The following SYNPR variants were observed in gnomAD, a reference collection of about 807,000 sequenced individuals.
SYNPR encodes synaptoporin.
Under a neutral mutation model 32.9 loss-of-function variants are expected in SYNPR, and 23 were observed. That is an observed-to-expected ratio of 0.70 (90% CI 0.50 to 0.99). The LOEUF is 0.99. Among genes scored for constraint, SYNPR ranks in the 50% least tolerant of loss-of-function variants. The pLI is 0.00. For missense variants in SYNPR, 318 were observed against 349.3 expected (o/e 0.91, Z 0.71); for synonymous variants, 146 against 135.9 (o/e 1.07, Z -0.52).
At chr3:63,559,814 A>G (rs6776966) in intron 4 of SYNPR, among the ~76,000 whole-genome samples, 1,905 of 152,178 alleles carry the variant, frequency 0.013, 53 homozygotes, top group African/African-American at 0.043. Flanking sequence ...ACAGATGGAC[A>G]TACCTAAGAG....
At chr3:63,368,582 G>A (rs961924495) in intron 2 of SYNPR, among the ~76,000 whole-genome samples, 2 of 152,126 alleles carry the variant, frequency 1.3e-5, no homozygotes, top group African/African-American at 4.8e-5. Context: ...CAGGCCAGAC[G>A]AGTGAATCTG....
intron 2 of SYNPR, among the ~76,000 whole-genome samples, chr3:63,439,359 A>T (rs1700131316): frequency 1.3e-5 from 2 of 152,242 alleles, no homozygotes; most frequent in South Asian, 4.1e-4. Context: ...AGGCAGTAGC[A>T]ACAATGTGAA....
chr3:63,203,068 G>GTGTGTATATATATA, the SYNPR span: 226 of 108,422 alleles, frequency 2.1e-3, 3 homozygotes, highest in African/African-American at 9.0e-3. Flanking sequence ...ATATGTATGT[G>GTGTGTATATATATA]TATATATATA....
At chr3:63,601,221 C>T (rs1348635817) in intron 4 of SYNPR, among the ~76,000 whole-genome samples, 3 of 150,322 alleles carry the variant, frequency 2.0e-5, no homozygotes, top group Non-Finnish European at 2.9e-5. Flanking sequence ...TGTGGTGAGC[C>T]GAGATCGTGC....
intron 2 of SYNPR, among the ~76,000 whole-genome samples, chr3:63,349,778 A>G (rs2087481831): frequency 6.6e-6 from 1 of 152,178 alleles, no homozygotes; most frequent in African/African-American, 2.4e-5. Context: ...CCCTTTGCCC[A>G]GTAGGTGGCG....
intron 3 of SYNPR, among the ~76,000 whole-genome samples, chr3:63,271,128 A>G (rs577541139): frequency 1.3e-5 from 2 of 151,658 alleles, no homozygotes; most frequent in South Asian, 4.2e-4. Flanking sequence ...ATGTAATTGT[A>G]CCTTTCTTCT....
intron 3 of SYNPR, among the ~76,000 whole-genome samples, chr3:63,499,860 C>A (rs767055183): frequency 7.2e-5 from 11 of 151,774 alleles, no homozygotes; most frequent in Non-Finnish European, 1.5e-4. Flanking sequence ...ATGACAAATT[C>A]ATTGTCCTCA....
intron 2 of SYNPR, among the ~76,000 whole-genome samples, chr3:63,335,634 C>T (rs936873909): frequency 6.6e-6 from 1 of 152,086 alleles, no homozygotes; most frequent in South Asian, 2.1e-4. Flanking sequence ...GCTTGGCATA[C>T]AATACTCCCT....
chr3:63,557,595 T>C (rs1046063997), intron 4 of SYNPR, among the ~76,000 whole-genome samples: 3 of 152,246 alleles, frequency 2.0e-5, no homozygotes, highest in Non-Finnish European at 2.9e-5. Context: ...GGAGGTTTAC[T>C]ATTTTTTGGC....
At chr3:63,343,109 G>T (rs1023189780) in intron 2 of SYNPR, among the ~76,000 whole-genome samples, 1 of 152,100 alleles carries the variant, frequency 6.6e-6, no homozygotes, top group East Asian at 1.9e-4. Context: ...CAGAGAAGGC[G>T]ACAAGTTTGG....
intron 2 of SYNPR, among the ~76,000 whole-genome samples, chr3:63,337,859 A>G (rs911674210): frequency 2.6e-5 from 4 of 151,970 alleles, no homozygotes; most frequent in African/African-American, 9.7e-5. Flanking sequence ...AGGTTAATGG[A>G]AAGGAAGGGA....
chr3:63,358,087 G>A (rs906447441), intron 2 of SYNPR, among the ~76,000 whole-genome samples: 1 of 152,190 alleles, frequency 6.6e-6, no homozygotes, highest in African/African-American at 2.4e-5. Flanking sequence ...TAAGCTCCTT[G>A]AGATTGGGCA....
chr3:63,302,249 A>G (rs367988904), intron 2 of SYNPR, among the ~76,000 whole-genome samples: 22 of 152,134 alleles, frequency 1.4e-4, no homozygotes, highest in Middle Eastern at 3.4e-3. Context: ...GAGTTGTGCC[A>G]TTGTTTCCCG....
chr3:63,221,519 G>C, the SYNPR span, among the ~76,000 whole-genome samples: 1 of 152,164 alleles, frequency 6.6e-6, no homozygotes, highest in Non-Finnish European at 1.5e-5. Context: ...AGTTGGAGTA[G>C]AACTCCCAGC....
At chr3:63,297,691 C>G (rs558801804) in intron 2 of SYNPR, among the ~76,000 whole-genome samples, 1 of 152,180 alleles carries the variant, frequency 6.6e-6, no homozygotes, top group Admixed American at 6.5e-5. Context: ...GTAGTACCTC[C>G]TCAAGCACTC....
intron 2 of SYNPR, among the ~76,000 whole-genome samples, chr3:63,304,908 A>G (rs2086894988): frequency 6.6e-6 from 1 of 152,008 alleles, no homozygotes; most frequent in African/African-American, 2.4e-5. Flanking sequence ...GTTCAAACAG[A>G]TCTTGATTTC....
chr3:63,588,261 C>T (rs1575725494), intron 4 of SYNPR, among the ~76,000 whole-genome samples: 1 of 151,910 alleles, frequency 6.6e-6, no homozygotes, highest in African/African-American at 2.4e-5. Flanking sequence ...TAGTTTTGTT[C>T]GGTTGATGAG....
chr3:63,335,507 T>G (rs1447545215), intron 2 of SYNPR, among the ~76,000 whole-genome samples: 1 of 152,152 alleles, frequency 6.6e-6, no homozygotes, highest in Non-Finnish European at 1.5e-5. Flanking sequence ...TCCTTGAATT[T>G]GGTTTAACCA....
chr3:63,582,108 G>A (rs563666550), intron 4 of SYNPR, among the ~76,000 whole-genome samples: 99 of 103,778 alleles, frequency 9.5e-4, no homozygotes, highest in Non-Finnish European at 1.6e-3. Flanking sequence ...AATTGAGTGC[G>A]GCTTTGGTTT....
Sources: allele counts gnomAD v4.1 joint callset (sites outside exome capture counted in the v4.1 genomes callset), GRCh38; gene constraint gnomAD v4.1.1; transcripts MANE v1.5; gene names NCBI Gene and HGNC (gene_info 2026-07-23, HGNC 2026-07-21).